The following UBTD2 variants were observed in gnomAD, a reference collection of about 807,000 sequenced individuals.
UBTD2 encodes the protein ubiquitin domain-containing protein 2.
A neutral mutation model predicts 19.8 loss-of-function variants in UBTD2; 9 were observed. That is an observed-to-expected ratio of 0.46 (90% CI 0.27 to 0.79). UBTD2 has a LOEUF of 0.79. UBTD2 is among the 30% of genes least tolerant of loss of function. The pLI is 0.14. For synonymous variants in UBTD2, 98 were observed against 103.9 expected, an observed-to-expected ratio of 0.94 and a Z score of 0.35; for missense variants, 250 against 300.4, an observed-to-expected ratio of 0.83 and a Z score of 1.24.
At chr5:172,241,865 A>T (rs1772135793) in intron 1 of UBTD2, among the ~76,000 whole-genome samples, 1 of 152,172 alleles carries the variant, frequency 6.6e-6, no homozygotes, top group South Asian at 2.1e-4. Context: ...CAAAAAATAC[A>T]AAAATTAGCT....
chr5:172,274,494 T>TA, intron 1 of UBTD2, among the ~76,000 whole-genome samples: 1 of 152,176 alleles, frequency 6.6e-6, no homozygotes, highest in South Asian at 2.1e-4. Context: ...GAAAATTCAA[T>TA]AAACCAGTTA....
rs1460609944 is a variant in UBTD2, at chr5:172,283,716, C to T, written c.-51G>A. 8 of 1,170,824 alleles carry T rather than the reference C, an allele frequency of 6.8e-6. No individual in the cohort carries two copies. Among genetic ancestry groups the T allele is most frequent in the South Asian group, 4.2e-5 (1 of 23,670 alleles). 72.5% of individuals were successfully genotyped at this position (1,170,824 alleles called of 1,614,324 possible). A position where few individuals can be genotyped will look rare whatever the true frequency, so the allele number is the denominator to read the frequency against. ...ACCTCCGGACGCTCGTCCGGGCCCG[C>T]CGCCGCCGCCGCTGCAGCCTCCTCC... On this transcript the variant is annotated 5_prime_UTR_variant, in exon 1 of 3. Transcript: ENST00000393792. The surrounding 1 kb of genome is among the most constrained non-coding windows in gnomAD (Gnocchi z 4.3).
At chr5:172,234,001 T>C in intron 2 of UBTD2, 121 bp downstream of exon 2, 1 of 1,000,616 alleles carries the variant, frequency 1.0e-6, no homozygotes, top group South Asian at 1.5e-5. Context: ...TATTCCTTGC[T>C]ACATTAAAAA....
intron 1 of UBTD2, among the ~76,000 whole-genome samples, chr5:172,266,695 G>C (rs897208975): frequency 5.3e-5 from 8 of 152,172 alleles, no homozygotes; most frequent in Admixed American, 2.0e-4. Flanking sequence ...TGGGCTAAGA[G>C]GTAAGGTTCA....
chr5:172,283,542 C>T lies in UBTD2; in HGVS notation c.70+54G>A, dbSNP rs1755768756. 2 of 1,252,942 alleles carry T rather than the reference C, an allele frequency of 1.6e-6. No individual in the cohort carries two copies. Among genetic ancestry groups the T allele is most frequent in the South Asian group, 3.1e-5 (1 of 32,316 alleles). The allele number at this position is 1,252,942 out of a possible 1,614,324, so 77.6% of individuals were successfully genotyped here. A position where few individuals can be genotyped will look rare whatever the true frequency, so the allele number is the denominator to read the frequency against. ...GCCCGCGGGGGTCGGGACAGGTGGC[C>T]GGGCCTGGCCGGGAACAATGGGGGG... On this transcript the variant is annotated intron_variant, in intron 1 of 2. Coordinates refer to ENST00000393792, the MANE Select transcript of UBTD2 (RefSeq NM_152277.3). The surrounding 1 kb of genome is among the most constrained non-coding windows in gnomAD (Gnocchi z 4.3).
intron 1 of UBTD2, among the ~76,000 whole-genome samples, chr5:172,248,883 A>G (rs1754934448): frequency 6.6e-6 from 1 of 151,828 alleles, no homozygotes; most frequent in Non-Finnish European, 1.5e-5. Flanking sequence ...GGCTGCAGGG[A>G]GCCATGACTG....
chr5:172,271,021 A>G (rs1249484240), intron 1 of UBTD2, among the ~76,000 whole-genome samples: 2 of 152,104 alleles, frequency 1.3e-5, no homozygotes, highest in East Asian at 1.9e-4. Context: ...CTCCTCTACA[A>G]GCTTCTTAGC....
chr5:172,280,135 T>C (rs1237340230), intron 1 of UBTD2, among the ~76,000 whole-genome samples: 1 of 151,474 alleles, frequency 6.6e-6, no homozygotes, highest in Non-Finnish European at 1.5e-5. Flanking sequence ...TGGGAAATTC[T>C]AGGAGCATGG....
Position 172,252,706 on chromosome 5 carries a change from G to A in UBTD2, c.71-18348C>T, listed in dbSNP as rs182170961. On this transcript the variant is annotated intron_variant, in intron 1 of 2. Transcript: ENST00000393792. ...AATGTTAAGAGCCTGGCAAAAATGT[G>A]TATAAACATACTTCACTTGAAGTTG... is the stretch of plus-strand genomic sequence containing the variant. Among the ~76,000 whole-genome samples, 33 of 152,184 alleles carry A rather than the reference G, an allele frequency of 2.2e-4. No individual in the cohort carries two copies. In the East Asian group the frequency reaches 6.0e-3, roughly 28 times the overall value.
chr5:172,282,665 T>C (rs1209258861), intron 1 of UBTD2, among the ~76,000 whole-genome samples: 1 of 152,218 alleles, frequency 6.6e-6, no homozygotes, highest in Non-Finnish European at 1.5e-5. Flanking sequence ...AGGCTGTTTA[T>C]CACTAAAATA....
intron 1 of UBTD2, 149 bp from the exon 2 acceptor site, chr5:172,234,507 C>G (rs1423187012): frequency 9.9e-6 from 7 of 707,608 alleles, no homozygotes; most frequent in Non-Finnish European, 1.6e-5. Flanking sequence ...TGAAATTCCT[C>G]TAACACATTT....
At chr5:172,254,608 T>G in intron 1 of UBTD2, 1 of 649,976 alleles carries the variant, frequency 1.5e-6, no homozygotes, top group Admixed American at 2.8e-5. Context: ...GCGTACACTT[T>G]GTTGCATCCA....
chr5:172,217,514 C>G (rs1016571594), intron 2 of UBTD2, among the ~76,000 whole-genome samples: 1 of 151,798 alleles, frequency 6.6e-6, no homozygotes, highest in African/African-American at 2.4e-5. Context: ...GAGACAGGGT[C>G]TTGCTGTCAC....
At chr5:172,254,730 G>A in intron 1 of UBTD2, 2 of 297,400 alleles carry the variant, frequency 6.7e-6, no homozygotes, top group South Asian at 7.6e-5. Context: ...AACAATGCTT[G>A]TGGGGGGGAA....
At chr5:172,242,058 G>T (rs1460667576) in intron 1 of UBTD2, among the ~76,000 whole-genome samples, 1 of 152,148 alleles carries the variant, frequency 6.6e-6, no homozygotes, top group Non-Finnish European at 1.5e-5. Flanking sequence ...TTGTTTAAAA[G>T]AATACAGCAC....
chr5:172,235,090 T>G (rs2113894805), intron 1 of UBTD2, among the ~76,000 whole-genome samples: 1 of 152,128 alleles, frequency 6.6e-6, no homozygotes, highest in Admixed American at 6.5e-5. Flanking sequence ...CTAAAAAAAT[T>G]TTTTTTTAAT....
At chr5:172,215,836 A>G (rs779475181) in intron 2 of UBTD2, among the ~76,000 whole-genome samples, 2 of 152,218 alleles carry the variant, frequency 1.3e-5, no homozygotes, top group African/African-American at 2.4e-5. Context: ...CTGAACACGA[A>G]TGAGGAAGGA....
In UBTD2 at chr5:172,228,762, T is replaced by G. The variant is rs1581213847; in HGVS notation, c.307+5360A>C. 3.9e-5 allele frequency among the ~76,000 whole-genome samples: 6 copies of G among 151,998 alleles called. No individual in the cohort carries two copies. In the South Asian group the frequency reaches 1.2e-3, roughly 32 times the overall value. ...AATAAACAAATAAATAAAAACAACATGAGTTTTGAGTATTTTATTGCTGAT... is the reference window on the plus strand; with the variant it reads ...AATAAACAAATAAATAAAAACAACAGGAGTTTTGAGTATTTTATTGCTGAT... On this transcript the variant is annotated intron_variant, in intron 2 of 2. Coordinates refer to ENST00000393792, the MANE Select transcript of UBTD2 (RefSeq NM_152277.3).
chr5:172,221,008 T>C (rs952899112), intron 2 of UBTD2, among the ~76,000 whole-genome samples: 6 of 152,124 alleles, frequency 3.9e-5, no homozygotes, highest in Admixed American at 2.0e-4. Context: ...TAAAACACAA[T>C]TTACATTAGC....
Sources: gnomAD v4.1 joint callset for allele counts (sites outside exome capture counted in the v4.1 genomes callset) on GRCh38, gnomAD v4.1.1 for gene constraint, Gnocchi (gnomAD v3.1) non-coding constraint, MANE v1.5 for transcripts, NCBI Gene and HGNC (gene_info 2026-07-23, HGNC 2026-07-21) for gene names.